HTR1F: variants seen among roughly 807,000 people sequenced by gnomAD.
The protein encoded by HTR1F is 5-hydroxytryptamine receptor 1F.
Under a neutral mutation model 24.0 loss-of-function variants are expected in HTR1F, and 17 were observed. That is an observed-to-expected ratio of 0.71 (90% CI 0.48 to 1.06). The LOEUF is 1.06. Ranked by LOEUF, HTR1F falls within the 50% of genes least tolerant of loss-of-function variation. The pLI is 0.00. For missense variants in HTR1F, 391 were observed against 427.8 expected (o/e 0.91, Z 0.76); for synonymous variants, 186 against 156.8 (o/e 1.19, Z -1.39).
chr3:87,888,728 T>A (rs1373190513), intron 2 of HTR1F, among the ~76,000 whole-genome samples: 1 of 152,208 alleles, frequency 6.6e-6, no homozygotes, highest in Non-Finnish European at 1.5e-5. Context: ...TTAAACTGAC[T>A]GACCTTATAT....
intron 2 of HTR1F, among the ~76,000 whole-genome samples, chr3:87,902,097 T>C (rs1368410784): frequency 6.6e-6 from 1 of 152,128 alleles, no homozygotes; most frequent in African/African-American, 2.4e-5. Context: ...AATTGGATTC[T>C]AAAATTTATA....
chr3:87,836,604 A>T (rs1704688525), intron 2 of HTR1F, among the ~76,000 whole-genome samples: 1 of 152,160 alleles, frequency 6.6e-6, no homozygotes, highest in African/African-American at 2.4e-5. Context: ...TATTTCTTAG[A>T]ATGTTGACAT....
chr3:87,799,746 T>A (rs1194874509), intron 1 of HTR1F, among the ~76,000 whole-genome samples: 3 of 152,176 alleles, frequency 2.0e-5, no homozygotes, highest in African/African-American at 4.8e-5. Context: ...GTAGGATACA[T>A]CCTGGCATTG....
At chr3:87,891,984 C>T (rs1706096246) in intron 2 of HTR1F, among the ~76,000 whole-genome samples, 1 of 152,138 alleles carries the variant, frequency 6.6e-6, no homozygotes, top group Admixed American at 6.6e-5. Flanking sequence ...ACATTTTCAC[C>T]CTTCCACATA....
chr3:87,824,044 T>C (rs1479699061), intron 2 of HTR1F, among the ~76,000 whole-genome samples: 1 of 135,026 alleles, frequency 7.4e-6, no homozygotes, highest in Non-Finnish European at 1.6e-5. Context: ...AGACTCCGCC[T>C]AAAAAAAAAA....
At chr3:87,978,890 G>GAGGGAGGA (rs1250443484) in intron 2 of HTR1F, among the ~76,000 whole-genome samples, 814 of 45,338 alleles carry the variant, frequency 0.018, 5 homozygotes, top group Non-Finnish European at 0.027. Flanking sequence ...GGGAGGGAGG[G>GAGGGAGGA]AGGAAGGAAG....
chr3:87,954,747 TAGC>T, intron 2 of HTR1F, among the ~76,000 whole-genome samples: 1 of 151,744 alleles, frequency 6.6e-6, no homozygotes, highest in South Asian at 2.1e-4. Context: ...GAATGGGGCT[TAGC>T]AGGTGGAATA....
chr3:87,936,523 T>G (rs1163177187), intron 2 of HTR1F, among the ~76,000 whole-genome samples: 1 of 152,144 alleles, frequency 6.6e-6, no homozygotes, highest in African/African-American at 2.4e-5. Flanking sequence ...ATAAATAAAT[T>G]AGAAAAAGAT....
intron 2 of HTR1F, among the ~76,000 whole-genome samples, chr3:87,946,103 G>C (rs939390382): frequency 3.9e-5 from 6 of 152,236 alleles, no homozygotes; most frequent in Admixed American, 2.0e-4. Flanking sequence ...GATGAACCCA[G>C]GCACTTAGCC....
At chr3:87,854,520 G>A (rs1705158088) in intron 2 of HTR1F, among the ~76,000 whole-genome samples, 2 of 151,702 alleles carry the variant, frequency 1.3e-5, no homozygotes, top group Admixed American at 1.3e-4. Flanking sequence ...TACAGTTTTT[G>A]TTGCTTTCCA....
At position 87,920,021 on chromosome 3, in the gene HTR1F, AT is replaced by A. The variant is rs1438108415; in HGVS notation, c.-42-70686del. On this transcript the variant is annotated intron_variant, in intron 2 of 2. Transcript: ENST00000319595. ...AAGAAACTGTGTGGGAGAGATATAT[AT>A]GTAATATTATATATATATATATATA... Among the ~76,000 whole-genome samples, 4 of 116,260 alleles carry A rather than the reference AT, an allele frequency of 3.4e-5. No homozygotes were observed. In the Admixed American group the frequency reaches 3.5e-4, roughly 10 times the overall value. The allele number at this position is 116,260 out of a possible 152,430, so 76.3% of individuals were successfully genotyped here.
At chr3:87,835,086 C>G (rs1704655523) in intron 2 of HTR1F, among the ~76,000 whole-genome samples, 1 of 152,142 alleles carries the variant, frequency 6.6e-6, no homozygotes, top group Admixed American at 6.6e-5. Context: ...GCCATTTTCT[C>G]CGTACTTTTC....
At chr3:87,806,968 A>G (rs2107085275) in intron 1 of HTR1F, among the ~76,000 whole-genome samples, 1 of 152,108 alleles carries the variant, frequency 6.6e-6, no homozygotes, top group South Asian at 2.1e-4. Flanking sequence ...TGGGTTCTGT[A>G]TTCGATTCCA....
chr3:87,946,695 T>A (rs1704717357), intron 2 of HTR1F, among the ~76,000 whole-genome samples: 1 of 151,580 alleles, frequency 6.6e-6, no homozygotes, highest in African/African-American at 2.4e-5. Flanking sequence ...AATCTCGGGC[T>A]GCTCACTATA....
intron 2 of HTR1F, among the ~76,000 whole-genome samples, chr3:87,838,821 T>TAA (rs1229846099): frequency 1.4e-5 from 2 of 140,930 alleles, no homozygotes; most frequent in African/African-American, 2.6e-5. Context: ...ACTTCCTTCC[T>TAA]AAAAAAAAAA....
At chr3:87,978,004 G>A (rs137854968) in intron 2 of HTR1F, among the ~76,000 whole-genome samples, 2,036 of 152,280 alleles carry the variant, frequency 0.013, 19 homozygotes, top group African/African-American at 0.019. Flanking sequence ...AGAGGCAAGA[G>A]GTATGTGAGT....
At chr3:87,963,336 G>C (rs1239393573) in intron 2 of HTR1F, among the ~76,000 whole-genome samples, 1 of 152,038 alleles carries the variant, frequency 6.6e-6, no homozygotes, top group African/African-American at 2.4e-5. Context: ...ACTATCAGTA[G>C]AGCAGTTCCT....
chr3:87,836,866 T>C (rs1303524385), intron 2 of HTR1F, among the ~76,000 whole-genome samples: 3 of 148,264 alleles, frequency 2.0e-5, no homozygotes, highest in Non-Finnish European at 2.9e-5. Context: ...TACTTATTCC[T>C]ATCCTTAGTT....
At chr3:87,910,350 A>T (rs1357818529) in intron 2 of HTR1F, 1 of 151,938 alleles carries the variant, frequency 6.6e-6, no homozygotes, top group Non-Finnish European at 1.5e-5. Flanking sequence ...TTTTTTTCAG[A>T]CTTGAAACCA....
Sources: gnomAD v4.1 joint callset for allele counts (sites outside exome capture counted in the v4.1 genomes callset) on GRCh38, gnomAD v4.1.1 for gene constraint, MANE v1.5 for transcripts, NCBI Gene and HGNC (gene_info 2026-07-23, HGNC 2026-07-21) for gene names.